The following NRXN1 variants were observed in gnomAD, a reference collection of about 807,000 sequenced individuals.
The protein encoded by NRXN1 is neurexin-1.
Under a neutral mutation model 150.9 loss-of-function variants are expected in NRXN1, and 39 were observed. The observed-to-expected ratio is 0.26, with a 90% CI of 0.20 to 0.34. The LOEUF is 0.34. NRXN1 is among the 10% of genes least tolerant of loss of function. NRXN1 has a pLI of 1.00. For missense variants in NRXN1, 1,815 were observed against 1,949.9 expected, an observed-to-expected ratio of 0.93 and a Z score of 1.30; for synonymous variants, 924 against 757.0, an observed-to-expected ratio of 1.22 and a Z score of -3.62.
chr2:50,141,743 C>A (rs192853054), intron 18 of NRXN1, among the ~76,000 whole-genome samples: 1 of 151,962 alleles, frequency 6.6e-6, no homozygotes, highest in African/African-American at 2.4e-5. Flanking sequence ...ATATGAAAAT[C>A]CAAACCTCCA....
chr2:50,610,512 C>G (rs1677864040), intron 8 of NRXN1, among the ~76,000 whole-genome samples: 1 of 150,622 alleles, frequency 6.6e-6, no homozygotes, highest in Admixed American at 6.6e-5. Context: ...TCATACCTCA[C>G]TTAGGAAGCT....
At chr2:50,454,614 G>A (rs1378157241) in intron 17 of NRXN1, among the ~76,000 whole-genome samples, 3 of 150,706 alleles carry the variant, frequency 2.0e-5, no homozygotes, top group Non-Finnish European at 4.4e-5. Context: ...TGCCAGATGT[G>A]ATGTGACATG....
At chr2:50,003,418 T>C (rs1684263028) in intron 21 of NRXN1, among the ~76,000 whole-genome samples, 1 of 152,172 alleles carries the variant, frequency 6.6e-6, no homozygotes, top group Admixed American at 6.6e-5. Flanking sequence ...AAATTTGTGA[T>C]GTCTCTATTA....
At chr2:50,693,448 T>C (rs909520464) in intron 5 of NRXN1, among the ~76,000 whole-genome samples, 1 of 152,128 alleles carries the variant, frequency 6.6e-6, no homozygotes, top group Non-Finnish European at 1.5e-5. Flanking sequence ...ACTGTGGTCC[T>C]TTGGTCCACT....
At chr2:51,003,755 A>C (rs1197550706) in intron 2 of NRXN1, among the ~76,000 whole-genome samples, 1 of 151,926 alleles carries the variant, frequency 6.6e-6, no homozygotes, top group African/African-American at 2.4e-5. Context: ...AGCAAAGGAG[A>C]GGGGGAGGAA....
intron 17 of NRXN1, among the ~76,000 whole-genome samples, chr2:50,269,672 C>G (rs2069328635): frequency 6.6e-6 from 1 of 152,140 alleles, no homozygotes; most frequent in African/African-American, 2.4e-5. Flanking sequence ...CTGCCAAAAG[C>G]CTGCCGTTTT....
intron 18 of NRXN1, among the ~76,000 whole-genome samples, chr2:50,123,018 C>T (rs1483356132): frequency 6.6e-6 from 1 of 152,106 alleles, no homozygotes; most frequent in African/African-American, 2.4e-5. Flanking sequence ...ATCTATAATA[C>T]TCAATTTATT....
intron 21 of NRXN1, among the ~76,000 whole-genome samples, chr2:50,040,424 G>T (rs1690757297): frequency 1.3e-5 from 2 of 151,602 alleles, no homozygotes; most frequent in Admixed American, 6.6e-5. Flanking sequence ...AAAAGCAAAA[G>T]AAAGGATTAA....
intron 22 of NRXN1, among the ~76,000 whole-genome samples, chr2:49,929,091 C>G (rs1348622201): frequency 6.6e-6 from 1 of 152,162 alleles, no homozygotes; most frequent in African/African-American, 2.4e-5. Flanking sequence ...GGCCACCACT[C>G]TGATATTGAG....
intron 5 of NRXN1, among the ~76,000 whole-genome samples, chr2:50,763,216 A>G (rs1702011907): frequency 6.6e-6 from 1 of 151,940 alleles, no homozygotes; most frequent in Non-Finnish European, 1.5e-5. Flanking sequence ...GTTACTATTA[A>G]TTAGTCCCAT....
At chr2:50,103,533 C>T (rs762796947) in intron 18 of NRXN1, among the ~76,000 whole-genome samples, 19 of 151,868 alleles carry the variant, frequency 1.3e-4, no homozygotes, top group Non-Finnish European at 2.8e-4. Context: ...TCAAATGAGA[C>T]GAAGGATTCT....
chr2:50,304,652 A>G (rs1205921205), intron 17 of NRXN1, among the ~76,000 whole-genome samples: 1 of 151,266 alleles, frequency 6.6e-6, no homozygotes, highest in African/African-American at 2.4e-5. Flanking sequence ...CTTATTAATT[A>G]AAGTCTATTT....
intron 18 of NRXN1, among the ~76,000 whole-genome samples, chr2:50,222,928 G>T (rs1368121114): frequency 6.6e-6 from 1 of 151,702 alleles, no homozygotes; most frequent in African/African-American, 2.4e-5. Flanking sequence ...ATTATATGCT[G>T]TTTTTACTTT....
chr2:50,987,882 C>G (rs193183383), intron 2 of NRXN1, among the ~76,000 whole-genome samples: 1 of 151,910 alleles, frequency 6.6e-6, no homozygotes, highest in Non-Finnish European at 1.5e-5. Flanking sequence ...CACTACGAAA[C>G]ACAGAATTAC....
intron 15 of NRXN1, among the ~76,000 whole-genome samples, chr2:50,475,686 G>C (rs1351325426): frequency 1.3e-5 from 2 of 151,996 alleles, no homozygotes; most frequent in African/African-American, 2.4e-5. Flanking sequence ...CATTACTGAA[G>C]CTGTACTTAG....
chr2:49,972,435 T>C (rs948820041), intron 21 of NRXN1, among the ~76,000 whole-genome samples: 3 of 152,214 alleles, frequency 2.0e-5, no homozygotes, highest in African/African-American at 7.2e-5. Flanking sequence ...AGTAGATTAG[T>C]TTGCATGGCT....
intron 5 of NRXN1, among the ~76,000 whole-genome samples, chr2:50,752,719 AT>A (rs771022949): frequency 2.2e-4 from 33 of 151,874 alleles, no homozygotes; most frequent in South Asian, 6.2e-4. Flanking sequence ...AAAAAAAAAA[AT>A]GTCAGGTTTT....
At chr2:50,531,822 T>C (rs1455871186) in intron 10 of NRXN1, among the ~76,000 whole-genome samples, 1 of 151,528 alleles carries the variant, frequency 6.6e-6, no homozygotes, top group African/African-American at 2.4e-5. Context: ...GTTGTGGATT[T>C]TTTTGTTGTT....
At chr2:50,757,727 T>C (rs748952644) in intron 5 of NRXN1, among the ~76,000 whole-genome samples, 2 of 151,760 alleles carry the variant, frequency 1.3e-5, no homozygotes, top group African/African-American at 4.8e-5. Context: ...TGATTGGGCA[T>C]GACCAGGAAA....
Sources: allele counts gnomAD v4.1 joint callset (sites outside exome capture counted in the v4.1 genomes callset), GRCh38; gene constraint gnomAD v4.1.1; transcripts MANE v1.5; gene names NCBI Gene and HGNC (gene_info 2026-07-23, HGNC 2026-07-21).